Variants in DOCK2 observed in about 807,000 individuals in gnomAD.
DOCK2 encodes the protein dedicator of cytokinesis protein 2.
In DOCK2, 87 loss-of-function variants were observed where a neutral mutation model predicts 248.9. The observed-to-expected ratio is 0.35, with a 90% CI of 0.29 to 0.42. The LOEUF (loss-of-function observed/expected upper bound fraction) is 0.42. Ranked by LOEUF, DOCK2 falls within the 10% of genes least tolerant of loss-of-function variation. The pLI is 1.00. For missense variants in DOCK2, 1,747 were observed against 2,300.2 expected, an observed-to-expected ratio of 0.76 and a Z score of 4.92; for synonymous variants, 805 against 821.6, an observed-to-expected ratio of 0.98 and a Z score of 0.35.
intron 25 of DOCK2, among the ~76,000 whole-genome samples, chr5:169,787,626 G>T (rs1270317586): frequency 1.3e-5 from 2 of 151,092 alleles, no homozygotes; most frequent in Non-Finnish European, 2.9e-5. Context: ...TGGCTCCCTT[G>T]TCCCAGCTTC....
At chr5:169,947,298 G>C (rs34686000) in intron 27 of DOCK2, among the ~76,000 whole-genome samples, 13 of 152,364 alleles carry the variant, frequency 8.5e-5, no homozygotes, top group African/African-American at 3.1e-4. Flanking sequence ...GTGAAGAGGA[G>C]ATGGGTCTTG....
chr5:169,803,334 G>T, intron 26 of DOCK2, 128 bp downstream of exon 26: 1 of 1,280,552 alleles, frequency 7.8e-7, no homozygotes, highest in Non-Finnish European at 1.1e-6. Flanking sequence ...TGCTCAGCAG[G>T]CCTACTTTTC....
intron 27 of DOCK2, among the ~76,000 whole-genome samples, chr5:169,962,801 C>G (rs1434870113): frequency 6.6e-6 from 1 of 152,138 alleles, no homozygotes; most frequent in East Asian, 1.9e-4. Flanking sequence ...TGGCAAGTGT[C>G]AAGGTAGACG....
Position 169,890,293 on chromosome 5 carries a change from C to T in DOCK2, c.2799+49441C>T, listed in dbSNP as rs1198807830. Among the ~76,000 whole-genome samples the T allele has an allele frequency of 2.0e-5, 3 of 152,316 alleles. No homozygotes were observed. In the East Asian group the frequency reaches 5.8e-4, roughly 29 times the overall value. ...CCACTCTTTTTCTATCCTCCAAAGT[C>T]CTAAGCACAGTGCTGAGTCTTTAAG... On this transcript the variant is annotated intron_variant, in intron 27 of 51. Coordinates refer to ENST00000520908, the MANE Select transcript of DOCK2 (RefSeq NM_004946.3).
intron 27 of DOCK2, among the ~76,000 whole-genome samples, chr5:169,922,619 G>A (rs1347852453): frequency 6.6e-6 from 1 of 152,208 alleles, no homozygotes; most frequent in Non-Finnish European, 1.5e-5. Context: ...TTCTAAGCTG[G>A]TGGAGTTACC....
At chr5:169,780,295 ATG>A (rs3138738) in intron 25 of DOCK2, among the ~76,000 whole-genome samples, 13,500 of 137,412 alleles carry the variant, frequency 0.098, 688 homozygotes, top group East Asian at 0.24. Flanking sequence ...AACCCAATAA[ATG>A]TGTGTGTGTG....
intron 29 of DOCK2, among the ~76,000 whole-genome samples, chr5:169,989,924 G>A (rs762039932): frequency 2.6e-5 from 4 of 152,128 alleles, no homozygotes; most frequent in African/African-American, 4.8e-5. Context: ...AATCTGGGCT[G>A]GATCTTGTCT....
chr5:169,851,055 C>A (rs911271341), intron 27 of DOCK2, among the ~76,000 whole-genome samples: 1 of 152,202 alleles, frequency 6.6e-6, no homozygotes, highest in African/African-American at 2.4e-5. Context: ...TAAAGTGAGA[C>A]CCATGTGGGA....
chr5:169,676,003 T>C (rs1219717410), intron 6 of DOCK2, among the ~76,000 whole-genome samples: 1 of 151,446 alleles, frequency 6.6e-6, no homozygotes, highest in Non-Finnish European at 1.5e-5. Context: ...GGTTCCATGA[T>C]GTCTTTAGCT....
rs183819421 is a variant in DOCK2, at chr5:169,844,897, A to G, written c.2799+4045A>G. 1.8e-4 allele frequency among the ~76,000 whole-genome samples: 28 copies of G among 152,208 alleles called. No individual in the cohort carries two copies. In the South Asian group the frequency reaches 3.1e-3, roughly 17 times the overall value. On this transcript the variant is annotated intron_variant, in intron 27 of 51. Transcript: ENST00000520908. ...TTAAATCGTATAATACAGGATAAGC[A>G]TTTGTACATGTGCTTCTTATGCACT...
At chr5:169,825,488 G>C (rs953722355) in intron 26 of DOCK2, among the ~76,000 whole-genome samples, 2 of 150,792 alleles carry the variant, frequency 1.3e-5, no homozygotes, top group African/African-American at 4.9e-5. Flanking sequence ...GATGAAGCTG[G>C]AAACCATCAT....
chr5:169,917,013 T>A (rs1414797559), intron 27 of DOCK2, among the ~76,000 whole-genome samples: 1 of 152,218 alleles, frequency 6.6e-6, no homozygotes, highest in Non-Finnish European at 1.5e-5. Context: ...ATATGGTGGA[T>A]CTCAGAGAGC....
intron 27 of DOCK2, among the ~76,000 whole-genome samples, chr5:169,911,684 A>G (rs1774607468): frequency 6.6e-6 from 1 of 152,198 alleles, no homozygotes; most frequent in Non-Finnish European, 1.5e-5. Context: ...AAAGTTTCCT[A>G]TAATTAGCCA....
chr5:169,728,290 C>T (rs1414713479), intron 22 of DOCK2, among the ~76,000 whole-genome samples: 3 of 152,064 alleles, frequency 2.0e-5, no homozygotes, highest in Non-Finnish European at 2.9e-5. Context: ...CAGTTAGATA[C>T]AGATTAGGAG....
At chr5:169,686,318 T>C (rs1422100799) in intron 8 of DOCK2, among the ~76,000 whole-genome samples, 2 of 152,162 alleles carry the variant, frequency 1.3e-5, no homozygotes, top group Admixed American at 1.3e-4. Context: ...ATCTCAGTGA[T>C]GGATGGCTGG....
chr5:169,747,784 C>T (rs1033128374), intron 23 of DOCK2, among the ~76,000 whole-genome samples: 5 of 152,178 alleles, frequency 3.3e-5, no homozygotes, highest in East Asian at 1.9e-4. Context: ...ATGGAGAGAA[C>T]AGTTCATGGT....
chr5:169,753,894 T>C (rs1230815104), intron 23 of DOCK2, among the ~76,000 whole-genome samples: 1 of 152,192 alleles, frequency 6.6e-6, no homozygotes, highest in African/African-American at 2.4e-5. Context: ...TGACATCGTT[T>C]TTCCAGTTTC....
At chr5:169,701,053 A>G (rs1027203680) in intron 13 of DOCK2, among the ~76,000 whole-genome samples, 2 of 152,228 alleles carry the variant, frequency 1.3e-5, no homozygotes, top group Non-Finnish European at 1.5e-5. Context: ...GTTAACAATC[A>G]GTCACTTTTC....
At chr5:169,997,624 CTGTT>C (rs1198595208) in intron 30 of DOCK2, among the ~76,000 whole-genome samples, 1 of 149,218 alleles carries the variant, frequency 6.7e-6, no homozygotes, top group Non-Finnish European at 1.5e-5. Context: ...CTTCAAGCAT[CTGTT>C]TAACAAAGTA....
Sources: allele counts gnomAD v4.1 joint callset (sites outside exome capture counted in the v4.1 genomes callset), GRCh38; gene constraint gnomAD v4.1.1; transcripts MANE v1.5; gene names NCBI Gene and HGNC (gene_info 2026-07-23, HGNC 2026-07-21).